Variants in SHMT1 observed in about 807,000 individuals in gnomAD.
The protein encoded by SHMT1 is serine hydroxymethyltransferase, cytosolic.
A neutral mutation model predicts 49.0 loss-of-function variants in SHMT1; 45 were observed. The observed-to-expected ratio is 0.92, with a 90% confidence interval of 0.72 to 1.18. The LOEUF is 1.18. Ranked by LOEUF, SHMT1 falls within the 50% of genes most tolerant of loss-of-function variation. The pLI is 0.00. For synonymous variants in SHMT1, 232 were observed against 246.6 expected, an observed-to-expected ratio of 0.94 and a Z score of 0.55; for missense variants, 541 against 612.4, an observed-to-expected ratio of 0.88 and a Z score of 1.23.
intron 3 of SHMT1, among the ~76,000 whole-genome samples, chr17:18,351,229 C>G (rs1278107488): frequency 6.6e-6 from 1 of 151,994 alleles, no homozygotes; most frequent in East Asian, 2.0e-4. Flanking sequence ...CAAACTCCAC[C>G]TCCCAGGTTC....
chr17:18,349,728 T>TA (rs147247319), intron 3 of SHMT1, among the ~76,000 whole-genome samples: 16,580 of 151,656 alleles, frequency 0.11, 1,012 homozygotes, highest in South Asian at 0.18. Context: ...CTAAAAAAAA[T>TA]AAATAGGCCG....
chr17:18,336,410 A>G (rs1271286464), intron 7 of SHMT1, among the ~76,000 whole-genome samples: 1 of 152,218 alleles, frequency 6.6e-6, no homozygotes, highest in African/African-American at 2.4e-5. Flanking sequence ...TCATGCGTGT[A>G]ATCCCAGCAC....
chr17:18,354,875 T>TAAA (rs1228722777), intron 2 of SHMT1, among the ~76,000 whole-genome samples: 91 of 117,322 alleles, frequency 7.8e-4, no homozygotes, highest in Middle Eastern at 4.6e-3. Flanking sequence ...CCGTCTCTAC[T>TAAA]AAAAAAAAAA....
rs1026765841 is a variant in SHMT1 at position 18,339,751 on chromosome 17, G to A, written c.814+292C>T. 1.1e-4 allele frequency among the ~76,000 whole-genome samples: 17 copies of A among 152,154 alleles called. No homozygotes were observed. The South Asian group carries it at 2.1e-3, about 19-fold the overall frequency. On this transcript the variant is annotated intron_variant, in intron 7 of 11. Transcript: ENST00000316694. ...AATTTTTCGTGTTTTTAGTAGAGAC[G>A]GGGTTTCACCGTGTTAGCCAGGATG...
intron 9 of SHMT1, chr17:18,331,454 G>A (rs1460716777): frequency 1.3e-5 from 2 of 155,942 alleles, no homozygotes; most frequent in African/African-American, 2.4e-5. Flanking sequence ...AATTCACAGG[G>A]CTGTCATGAA....
intron 2 of SHMT1, among the ~76,000 whole-genome samples, chr17:18,354,875 T>TAAAA (rs1228722777): frequency 1.7e-5 from 2 of 117,418 alleles, no homozygotes; most frequent in South Asian, 3.0e-4. Context: ...CCGTCTCTAC[T>TAAAA]AAAAAAAAAA....
At chr17:18,352,476 C>T (rs149511381) in intron 3 of SHMT1, among the ~76,000 whole-genome samples, 1 of 152,196 alleles carries the variant, frequency 6.6e-6, no homozygotes, top group African/African-American at 2.4e-5. Flanking sequence ...AAACATCACC[C>T]CTTGCTCGAT....
chr17:18,339,618 T>C (rs527916284), intron 7 of SHMT1, among the ~76,000 whole-genome samples: 11 of 152,058 alleles, frequency 7.2e-5, no homozygotes, highest in African/African-American at 2.7e-4. Context: ...TGGAGTACAG[T>C]GGCACAATCT....
intron 3 of SHMT1, among the ~76,000 whole-genome samples, chr17:18,352,399 G>A (rs1405397245): frequency 6.6e-6 from 1 of 152,148 alleles, no homozygotes; most frequent in East Asian, 1.9e-4. Context: ...GCCCGCCTGG[G>A]CCTCCCAAAG....
At chr17:18,348,092 G>C (rs1394106235) in intron 4 of SHMT1, among the ~76,000 whole-genome samples, 1 of 152,034 alleles carries the variant, frequency 6.6e-6, no homozygotes, top group East Asian at 1.9e-4. Flanking sequence ...GCTAATTTTT[G>C]TATTTTTAGT....
At chr17:18,361,785 C>CAAA (rs754941626) in intron 1 of SHMT1, among the ~76,000 whole-genome samples, 1 of 86,534 alleles carries the variant, frequency 1.2e-5, no homozygotes. Context: ...GACTCCGTCT[C>CAAA]AAAAAAAAAA....
intron 1 of SHMT1, among the ~76,000 whole-genome samples, chr17:18,362,402 C>T (rs1208712004): frequency 6.6e-6 from 1 of 152,098 alleles, no homozygotes; most frequent in Non-Finnish European, 1.5e-5. Context: ...CTCACTGCAA[C>T]CTCCACCTCC....
intron 3 of SHMT1, 88 bp downstream of exon 3, chr17:18,353,584 C>A: frequency 7.2e-7 from 1 of 1,388,398 alleles, no homozygotes. Flanking sequence ...TTATTGTTTT[C>A]TGAAATTTCC....
chr17:18,340,610 C>T lies in SHMT1; in HGVS notation c.601+122G>A, dbSNP rs908442957. 1.0e-5 allele frequency: 9 copies of T among 861,092 alleles called. No individual in the cohort carries two copies. The highest frequency in any genetic ancestry group is 6.7e-5 in the African/African-American group (4 of 59,960). The allele number at this position is 861,092 out of a possible 1,614,324, so 53.3% of individuals were successfully genotyped here. ...AACTAATATATGTAGACCCCAGAAA[C>T]TCAGTTATCCAGGGCAGAAACTAGC... On this transcript the variant is annotated intron_variant, in intron 6 of 11. Coordinates refer to ENST00000316694, the MANE Select transcript of SHMT1 (RefSeq NM_004169.5). This position sits in a 1 kb window ranked among gnomAD's most constrained non-coding sequence, Gnocchi z 4.5.
rs1982862463 is a variant in SHMT1 at position 18,328,939 on chromosome 17, T to C, written c.1283-20A>G. 1 of 1,613,362 alleles carries C rather than the reference T, an allele frequency of 6.2e-7. No homozygotes were observed. The highest frequency in any genetic ancestry group is 8.5e-7 in the Non-Finnish European group (1 of 1,179,862). ...CTATCCCTGTGCCACAAGACACAAA[T>C]GAGTCACCCCACACTACACACCAAA... On this transcript the variant is annotated intron_variant, in intron 11 of 11. Coordinates refer to ENST00000316694, the MANE Select transcript of SHMT1 (RefSeq NM_004169.5).
chr17:18,355,426 G>T (rs1015190422), intron 2 of SHMT1, among the ~76,000 whole-genome samples: 1 of 149,308 alleles, frequency 6.7e-6, no homozygotes, highest in African/African-American at 2.5e-5. Flanking sequence ...TGCAATCCCA[G>T]CTAGTCAGGA....
intron 1 of SHMT1, among the ~76,000 whole-genome samples, chr17:18,361,785 CAAA>C (rs754941626): frequency 2.3e-5 from 2 of 86,484 alleles, no homozygotes; most frequent in Non-Finnish European, 4.9e-5. Context: ...GACTCCGTCT[CAAA>C]AAAAAAAAAA....
rs759273724 is a variant in SHMT1 at position 18,347,531 on chromosome 17, CAG to C, written c.482_483del (p.Ser161CysfsTer7). 6.2e-7 allele frequency: 1 copy of C among 1,614,080 alleles called. No individual in the cohort carries two copies. The highest frequency in any genetic ancestry group is 1.3e-5 in the African/African-American group (1 of 74,944). ...ATAGATTCAAAGAAGATGGACGTGG[CAG>C]AGATTTTCTTCTTGTCTGTCATGAA... ...HGFMTDKKKI[S>X]ATSIFFESMP... On this transcript the variant is annotated frameshift_variant, in exon 5 of 12. Coordinates refer to ENST00000316694, the MANE Select transcript of SHMT1 (RefSeq NM_004169.5). LOFTEE classifies it high-confidence loss of function.
At chr17:18,339,417 A>G (rs1043114675) in intron 7 of SHMT1, among the ~76,000 whole-genome samples, 5 of 152,082 alleles carry the variant, frequency 3.3e-5, no homozygotes, top group Non-Finnish European at 7.4e-5. Context: ...CTTTCATTCA[A>G]ACACCTGCCT....
Sources: gnomAD v4.1 joint callset for allele counts (sites outside exome capture counted in the v4.1 genomes callset) on GRCh38, gnomAD v4.1.1 for gene constraint, Gnocchi (gnomAD v3.1) non-coding constraint, MANE v1.5 for transcripts, NCBI Gene and HGNC (gene_info 2026-07-23, HGNC 2026-07-21) for gene names.